CRB1: variants seen among roughly 807,000 people sequenced by gnomAD.
CRB1 encodes protein crumbs homolog 1.
In CRB1, 83 loss-of-function variants were observed where a neutral mutation model predicts 120.0. That is an observed-to-expected ratio of 0.69 (90% CI 0.58 to 0.83). CRB1 has a LOEUF of 0.83. Among genes scored for constraint, CRB1 ranks in the 40% least tolerant of loss-of-function variants. The pLI is 0.00. For synonymous variants in CRB1, 625 were observed against 612.5 expected, an observed-to-expected ratio of 1.02 and a Z score of -0.30; for missense variants, 1,699 against 1,687.6, an observed-to-expected ratio of 1.01 and a Z score of -0.12.
At chr1:197,339,364 T>C (rs970028431) in intron 2 of CRB1, among the ~76,000 whole-genome samples, 2 of 152,236 alleles carry the variant, frequency 1.3e-5, no homozygotes, top group African/African-American at 2.4e-5. Context: ...ATTGCTCTGA[T>C]ACTTGTGTCA....
intron 5 of CRB1, among the ~76,000 whole-genome samples, chr1:197,359,411 A>G (rs1660659316): frequency 6.6e-6 from 1 of 151,534 alleles, no homozygotes; most frequent in Non-Finnish European, 1.5e-5. Context: ...GTGTATCAAT[A>G]GTTTGTTCCT....
At chr1:197,208,939 C>T in the CRB1 span, among the ~76,000 whole-genome samples, 1 of 152,186 alleles carries the variant, frequency 6.6e-6, no homozygotes, top group Non-Finnish European at 1.5e-5. Context: ...GTTCTCAGGC[C>T]AATGGAGTTA....
intron 6 of CRB1, among the ~76,000 whole-genome samples, chr1:197,425,250 G>A (rs575607023): frequency 6.6e-6 from 1 of 152,298 alleles, no homozygotes; most frequent in African/African-American, 2.4e-5. Flanking sequence ...TTATCTAACA[G>A]TACACTTTTG....
intron 11 of CRB1, among the ~76,000 whole-genome samples, chr1:197,463,925 C>T (rs1010349839): frequency 1.2e-4 from 18 of 152,158 alleles, no homozygotes; most frequent in Admixed American, 9.8e-4. Flanking sequence ...TCTATTTACT[C>T]TGGGTTCCTG....
chr1:197,340,255 G>C (rs1659373478), intron 2 of CRB1, among the ~76,000 whole-genome samples: 1 of 152,098 alleles, frequency 6.6e-6, no homozygotes, highest in African/African-American at 2.4e-5. Context: ...GGGGAAGGAG[G>C]GAGTGAGGAG....
At chr1:197,353,687 G>A (rs930022153) in intron 4 of CRB1, among the ~76,000 whole-genome samples, 4 of 151,988 alleles carry the variant, frequency 2.6e-5, no homozygotes, top group African/African-American at 7.2e-5. Context: ...TGTAATCCCA[G>A]CTACTTGGGA....
At position 197,421,103 on chromosome 1, in the gene CRB1, T is replaced by A. The variant is rs1664284217; in HGVS notation, c.1275T>A (p.Phe425Leu). ...GGAATTATACTTGCCATTGCCCATT[T>A]GATAACCTTTCTAGAACTTTTTATG... The part of the protein sequence containing the change: ...LPGNYTCHCP[F>L]DNLSRTFYGG... The change falls in exon 6 of 12, where the codon TTT becomes TTA. Residue 425 changes from phenylalanine (F) to leucine (L), a missense_variant. Physicochemically the swap from Phe to Leu is conservative, Grantham distance 22. Coordinates refer to ENST00000367400, the MANE Select transcript of CRB1 (RefSeq NM_201253.3). 3 of 1,614,230 alleles carry A rather than the reference T, an allele frequency of 1.9e-6. No homozygotes were observed. Among genetic ancestry groups the A allele is most frequent in the Non-Finnish European group, 2.5e-6 (3 of 1,180,038 alleles).
chr1:197,219,953 T>C, the CRB1 span, among the ~76,000 whole-genome samples: 3 of 152,340 alleles, frequency 2.0e-5, no homozygotes, highest in African/African-American at 7.2e-5. Context: ...AGGGAAGCTT[T>C]TGCTAACTTC....
At chr1:197,350,594 G>T (rs552233577) in intron 4 of CRB1, among the ~76,000 whole-genome samples, 2 of 152,160 alleles carry the variant, frequency 1.3e-5, no homozygotes, top group Middle Eastern at 3.2e-3. Context: ...AAAAGGTATC[G>T]TCCCTTCCTC....
At chr1:197,394,454 A>G (rs904208721) in intron 5 of CRB1, among the ~76,000 whole-genome samples, 1 of 152,016 alleles carries the variant, frequency 6.6e-6, no homozygotes, top group Non-Finnish European at 1.5e-5. Context: ...TCTACTCTTC[A>G]GGGGTCGGCA....
the CRB1 span, among the ~76,000 whole-genome samples, chr1:197,243,777 A>C: frequency 6.6e-6 from 1 of 152,110 alleles, no homozygotes; most frequent in African/African-American, 2.4e-5. Context: ...GTGGGTTGTT[A>C]AAGTCTCCCA....
chr1:197,299,254 C>G (rs1656725022), intron 1 of CRB1, among the ~76,000 whole-genome samples: 1 of 152,034 alleles, frequency 6.6e-6, no homozygotes, highest in Non-Finnish European at 1.5e-5. Flanking sequence ...AAAATGCAGT[C>G]CATCTCACTA....
rs1660013434 is a variant in CRB1, at chr1:197,350,123, A to C, written c.988+2644A>C. Among the ~76,000 whole-genome samples the C allele has an allele frequency of 3.3e-5, 5 of 151,250 alleles. No homozygotes were observed. The South Asian group carries it at 1.0e-3, about 31-fold the overall frequency. ...CTCCGTCTCAAAAAAAAAAAAAAAA[A>C]ACCTGAAAATTTTCCAAACTATGTA... is the stretch of plus-strand genomic sequence containing the variant. On this transcript the variant is annotated intron_variant, in intron 4 of 11. Transcript: ENST00000367400.
intron 11 of CRB1, among the ~76,000 whole-genome samples, chr1:197,456,638 C>A (rs953428801): frequency 6.6e-6 from 1 of 152,058 alleles, no homozygotes; most frequent in Non-Finnish European, 1.5e-5. Context: ...CCCCATTATT[C>A]ATCTTGAATT....
chr1:197,312,191 A>G (rs1345898967), intron 1 of CRB1, among the ~76,000 whole-genome samples: 1 of 152,214 alleles, frequency 6.6e-6, no homozygotes, highest in East Asian at 1.9e-4. Flanking sequence ...CTACATAGTA[A>G]CTGTTTATTA....
intron 8 of CRB1, among the ~76,000 whole-genome samples, chr1:197,430,272 CT>C (rs1558134314): frequency 6.6e-6 from 1 of 152,126 alleles, no homozygotes; most frequent in Non-Finnish European, 1.5e-5. Context: ...GTCTTCTCAC[CT>C]ACTTCAAATA....
chr1:197,209,733 C>T, the CRB1 span, among the ~76,000 whole-genome samples: 1 of 152,136 alleles, frequency 6.6e-6, no homozygotes, highest in Non-Finnish European at 1.5e-5. Context: ...CCCTGGGGAC[C>T]AAGAATGCGC....
chr1:197,270,519 A>G (rs1398273780), intron 1 of CRB1, among the ~76,000 whole-genome samples: 1 of 152,224 alleles, frequency 6.6e-6, no homozygotes, highest in Non-Finnish European at 1.5e-5. Flanking sequence ...TTAAGAACCT[A>G]CTACATAATG....
At chr1:197,396,556 C>T (rs1662782129) in intron 5 of CRB1, among the ~76,000 whole-genome samples, 1 of 152,026 alleles carries the variant, frequency 6.6e-6, no homozygotes, top group African/African-American at 2.4e-5. Flanking sequence ...GAAGGACTCA[C>T]ACTATCTGAC....
Sources: gnomAD v4.1 joint callset for allele counts (sites outside exome capture counted in the v4.1 genomes callset) on GRCh38, gnomAD v4.1.1 for gene constraint, MANE v1.5 for transcripts, NCBI Gene and HGNC (gene_info 2026-07-23, HGNC 2026-07-21) for gene names.